The following GAREM1 variants were observed in gnomAD, a reference collection of about 807,000 sequenced individuals.
The protein encoded by GAREM1 is GRB2-associated and regulator of MAPK protein 1.
A neutral mutation model predicts 71.3 loss-of-function variants in GAREM1; 26 were observed. The observed-to-expected ratio is 0.36, with a 90% CI of 0.27 to 0.51. GAREM1 has a LOEUF of 0.51. Ranked by LOEUF, GAREM1 falls within the 20% of genes least tolerant of loss-of-function variation. GAREM1 has a pLI of 0.95. For missense variants in GAREM1, 1,026 were observed against 1,103.1 expected (o/e 0.93, Z 0.99); for synonymous variants, 440 against 433.2 (o/e 1.02, Z -0.20).
intron 1 of GAREM1, among the ~76,000 whole-genome samples, chr18:32,432,011 C>T (rs557198925): frequency 2.0e-4 from 31 of 152,128 alleles, no homozygotes; most frequent in Admixed American, 7.9e-4. Context: ...TGAAGAAAAT[C>T]TAAGAGAAAT....
At position 32,268,478 on chromosome 18, in the gene GAREM1, T is replaced by A; in HGVS notation, c.2024A>T (p.Glu675Val). ...CPAPFDFDGC[E>V]LLASPTSPVT... ...TGGGCTAGTGGGGCTGGCCAGGAGC[T>A]CACAGCCATCAAAATCAAAAGGTGC... The change falls in exon 6 of 6, where the codon GAG becomes GTG. Residue 675 changes from glutamate to valine, a missense_variant. Transcript: ENST00000269209. The A allele has an allele frequency of 6.2e-7, 1 of 1,614,168 alleles. No homozygotes were observed. The highest frequency in any genetic ancestry group is 1.7e-5 in the Admixed American group (1 of 60,008).
At chr18:32,455,385 TG>T (rs2048877772) in intron 1 of GAREM1, among the ~76,000 whole-genome samples, 1 of 152,102 alleles carries the variant, frequency 6.6e-6, no homozygotes, top group Non-Finnish European at 1.5e-5. Context: ...ACACATACAT[TG>T]AGAATAGCAT....
intron 1 of GAREM1, among the ~76,000 whole-genome samples, chr18:32,404,001 G>T (rs1052800009): frequency 3.3e-5 from 5 of 152,152 alleles, no homozygotes; most frequent in African/African-American, 1.2e-4. Context: ...AGGAACAAAG[G>T]TATGCAGGAC....
chr18:32,397,169 G>C (rs987862239), intron 1 of GAREM1, among the ~76,000 whole-genome samples: 7 of 152,256 alleles, frequency 4.6e-5, no homozygotes, highest in Admixed American at 2.0e-4. Context: ...GCATGTAAAG[G>C]AACAACCAGT....
intron 3 of GAREM1, among the ~76,000 whole-genome samples, chr18:32,288,931 AC>A (rs1210634990): frequency 7.2e-5 from 11 of 152,214 alleles, no homozygotes; most frequent in African/African-American, 2.7e-4. Context: ...CTAGTTCCTT[AC>A]TGTAAAATAA....
At chr18:32,279,538 C>T (rs540694286) in intron 4 of GAREM1, among the ~76,000 whole-genome samples, 21 of 152,294 alleles carry the variant, frequency 1.4e-4, no homozygotes, top group Admixed American at 1.2e-3. Context: ...CACTGTCTCC[C>T]ATCACCCCCA....
chr18:32,438,733 T>C (rs1216800672), intron 1 of GAREM1, among the ~76,000 whole-genome samples: 1 of 152,224 alleles, frequency 6.6e-6, no homozygotes, highest in Non-Finnish European at 1.5e-5. Flanking sequence ...ATCTATAAAA[T>C]GAAATCTATA....
At chr18:32,369,845 C>T (rs1179009464) in intron 2 of GAREM1, among the ~76,000 whole-genome samples, 1 of 152,198 alleles carries the variant, frequency 6.6e-6, no homozygotes, top group Non-Finnish European at 1.5e-5. Context: ...ATTATGTAGA[C>T]AGTAATGCGC....
chr18:32,297,138 G>C (rs947618655), intron 3 of GAREM1, among the ~76,000 whole-genome samples: 1 of 152,126 alleles, frequency 6.6e-6, no homozygotes, highest in African/African-American at 2.4e-5. Context: ...TGTATGGCTT[G>C]CAAACTCTAA....
At chr18:32,387,926 T>C (rs1425545799) in intron 2 of GAREM1, among the ~76,000 whole-genome samples, 1 of 152,244 alleles carries the variant, frequency 6.6e-6, no homozygotes, top group Non-Finnish European at 1.5e-5. Flanking sequence ...CTGTGGCCTA[T>C]GGCTGCCCAG....
chr18:32,269,148 T>C (rs1004139347), intron 5 of GAREM1, among the ~76,000 whole-genome samples: 1 of 152,192 alleles, frequency 6.6e-6, no homozygotes, highest in African/African-American at 2.4e-5. Context: ...GAGAGAATAG[T>C]AAATGAGTGG....
At chr18:32,446,226 G>C (rs1467326210) in intron 1 of GAREM1, among the ~76,000 whole-genome samples, 2 of 97,192 alleles carry the variant, frequency 2.1e-5, no homozygotes, top group East Asian at 4.9e-4. Flanking sequence ...TCCCCATAGT[G>C]TGTGTGTGTG....
chr18:32,286,943 T>C (rs1469762457), intron 4 of GAREM1, 88 bp downstream of exon 4: 3 of 940,478 alleles, frequency 3.2e-6, no homozygotes, highest in African/African-American at 1.6e-5. Flanking sequence ...CAATCTTCAG[T>C]TGGGGAGTTT....
chr18:32,385,028 C>T (rs1023924912), intron 2 of GAREM1, among the ~76,000 whole-genome samples: 1 of 152,150 alleles, frequency 6.6e-6, no homozygotes, highest in African/African-American at 2.4e-5. Context: ...ATTTCCTAGA[C>T]AGCAGACTAA....
At chr18:32,455,040 A>G (rs557398837) in intron 1 of GAREM1, among the ~76,000 whole-genome samples, 2 of 152,290 alleles carry the variant, frequency 1.3e-5, no homozygotes, top group African/African-American at 4.8e-5. Flanking sequence ...CACAACTCCA[A>G]CCTAATAAAG....
At chr18:32,436,935 T>A (rs2048685787) in intron 1 of GAREM1, among the ~76,000 whole-genome samples, 1 of 152,182 alleles carries the variant, frequency 6.6e-6, no homozygotes, top group African/African-American at 2.4e-5. Context: ...TCAATAAATG[T>A]GAAGCCTACT....
At chr18:32,339,588 C>A (rs1317575540) in intron 2 of GAREM1, among the ~76,000 whole-genome samples, 1 of 152,200 alleles carries the variant, frequency 6.6e-6, no homozygotes, top group African/African-American at 2.4e-5. Context: ...CCACTTTGTG[C>A]AGACCTGTGT....
chr18:32,278,392 G>A (rs2041570661), intron 4 of GAREM1, among the ~76,000 whole-genome samples: 1 of 152,166 alleles, frequency 6.6e-6, no homozygotes, highest in South Asian at 2.1e-4. Flanking sequence ...CAATCAATAA[G>A]GAGATTTTGG....
chr18:32,460,711 TC>T (rs1458380931), intron 1 of GAREM1, among the ~76,000 whole-genome samples: 2 of 152,174 alleles, frequency 1.3e-5, no homozygotes, highest in African/African-American at 4.8e-5. Flanking sequence ...AGAAGTAAAA[TC>T]CGTGGTGCCC....
Sources: allele counts gnomAD v4.1 joint callset (sites outside exome capture counted in the v4.1 genomes callset), GRCh38; gene constraint gnomAD v4.1.1; transcripts MANE v1.5; gene names NCBI Gene and HGNC (gene_info 2026-07-23, HGNC 2026-07-21).